The following SPDL1 variants were observed in gnomAD, a reference collection of about 807,000 sequenced individuals.
The protein encoded by SPDL1 is spindle apparatus coiled-coil protein 1, also known as protein Spindly.
Under a neutral mutation model 79.5 loss-of-function variants are expected in SPDL1, and 85 were observed. The ratio of observed to expected loss-of-function variants is 1.07; its 90% CI spans 0.90 to 1.28. The LOEUF is 1.28. SPDL1 is among the 50% of genes most tolerant of loss of function. SPDL1 has a pLI of 0.00. For synonymous variants in SPDL1, 269 were observed against 240.3 expected (o/e 1.12, Z -1.10); for missense variants, 703 against 697.8 (o/e 1.01, Z -0.08).
intron 8 of SPDL1, among the ~76,000 whole-genome samples, 176 bp downstream of exon 8, chr5:169,596,877 A>T (rs1450487302): frequency 1.3e-5 from 2 of 152,218 alleles, no homozygotes; most frequent in African/African-American, 2.4e-5. Flanking sequence ...TGCCTGAAAC[A>T]TAATTCTGTG....
At chr5:169,590,925 TC>T (rs991765390) in intron 2 of SPDL1, 122 bp from the exon 3 acceptor site, 31 of 867,772 alleles carry the variant, frequency 3.6e-5, no homozygotes, top group African/African-American at 8.4e-5. Context: ...TAACATGTCT[TC>T]GTTATTTGGA....
At chr5:169,602,153 C>CGACCA in intron 11 of SPDL1, 1 of 168,406 alleles carries the variant, frequency 5.9e-6, no homozygotes, top group Non-Finnish European at 1.3e-5. Flanking sequence ...AACTTGAAAG[C>CGACCA]CTCTAGTTTC....
chr5:169,593,478 G>T lies in SPDL1; in HGVS notation c.461G>T (p.Arg154Leu), dbSNP rs147518536. 4.1e-4 allele frequency: 654 copies of T among 1,614,088 alleles called. 2 individuals carry two copies. The African/African-American group carries it at 7.6e-3, about 19-fold the overall frequency. The change falls in exon 4 of 12, where the codon CGT (arginine) becomes CTT (leucine). Residue 154 changes from arginine to leucine, a missense_variant. Coordinates refer to ENST00000265295, the MANE Select transcript of SPDL1 (RefSeq NM_017785.5). ...GAGGAACTGCGCGTAATGTCTGAACGTGTGCAGGAAAGCATGTCTTCAGAG... is the reference window on the plus strand; with the variant it reads ...GAGGAACTGCGCGTAATGTCTGAACTTGTGCAGGAAAGCATGTCTTCAGAG... Reference protein sequence around the residue: ...KSEELRVMSERVQESMSSEML... With the variant: ...KSEELRVMSELVQESMSSEML...
intron 7 of SPDL1, among the ~76,000 whole-genome samples, chr5:169,595,015 C>T (rs557343555): frequency 6.6e-6 from 1 of 152,224 alleles, no homozygotes; most frequent in East Asian, 1.9e-4. Flanking sequence ...CAAGCATAGC[C>T]CTAGGGTTCC....
chr5:169,601,253 C>G, intron 10 of SPDL1, 27 bp from the exon 11 acceptor site: 1 of 1,563,558 alleles, frequency 6.4e-7, no homozygotes, highest in Non-Finnish European at 8.6e-7. Context: ...TAGATTTTTT[C>G]TTTTCCCCAC....
Position 169,594,657 on chromosome 5 carries a change from CAG to C in SPDL1, c.871_872del (p.Glu291ThrfsTer21), listed in dbSNP as rs1292321017. On this transcript the variant is annotated frameshift_variant, in exon 7 of 12. Transcript: ENST00000265295. LOFTEE classifies it high-confidence loss of function. ...CACTAAAGAAGCAAAATGTATTTAA[CAG>C]AGAACAGATGCAGAGAATGAAGGTA... ...QSLKKQNVFNREQMQRMKLQI... is the reference protein window; with the variant it reads ...QSLKKQNVFNXEQMQRMKLQI... The C allele has an allele frequency of 6.2e-7, 1 of 1,612,626 alleles. No individual in the cohort carries two copies. The highest frequency in any genetic ancestry group is 1.3e-5 in the African/African-American group (1 of 74,872).
chr5:169,591,287 T>C (rs554623867), intron 3 of SPDL1, 63 bp downstream of exon 3: 5 of 1,526,976 alleles, frequency 3.3e-6, no homozygotes, highest in Non-Finnish European at 4.4e-6. Flanking sequence ...CTGTAAACTT[T>C]AGATGATAAA....
At chr5:169,593,877 C>G (rs1755434245) in intron 4 of SPDL1, among the ~76,000 whole-genome samples, 1 of 152,082 alleles carries the variant, frequency 6.6e-6, no homozygotes. Flanking sequence ...TGCATGTGAA[C>G]TTGGTTTTTT....
chr5:169,594,790 GTTGT>G, intron 7 of SPDL1, 109 bp downstream of exon 7: 1 of 655,716 alleles, frequency 1.5e-6, no homozygotes, highest in South Asian at 2.2e-5. Context: ...TACTTATATA[GTTGT>G]TTCTAGAACT....
rs201090007 is a variant in SPDL1, at chr5:169,594,669, G to A, written c.879G>A (p.Met293Ile). 6 of 1,610,988 alleles carry A rather than the reference G, an allele frequency of 3.7e-6. No individual in the cohort carries two copies. The highest frequency in any genetic ancestry group is 1.1e-5 in the South Asian group (1 of 90,940). The change falls in exon 7 of 12, where the codon ATG becomes ATA. Residue 293 changes from methionine (M) to isoleucine (I), a missense_variant. Coordinates refer to ENST00000265295, the MANE Select transcript of SPDL1 (RefSeq NM_017785.5). ...AAAATGTATTTAACAGAGAACAGAT[G>A]CAGAGAATGAAGGTATAGAACTTTC... ...KKQNVFNREQMQRMKLQIATL... is the reference protein window; with the variant it reads ...KKQNVFNREQIQRMKLQIATL...
At position 169,588,392 on chromosome 5, in the gene SPDL1, A is replaced by C. The variant is rs1275952503; in HGVS notation, c.-23-2A>C. The C allele has an allele frequency of 1.3e-6, 2 of 1,585,018 alleles. No individual in the cohort carries two copies. Among genetic ancestry groups the C allele is most frequent in the Admixed American group, 3.8e-5 (2 of 53,082 alleles). On this transcript the variant is annotated splice_acceptor_variant, in intron 1 of 11. Coordinates refer to ENST00000265295, the MANE Select transcript of SPDL1 (RefSeq NM_017785.5). LOFTEE classifies it low-confidence loss of function (5UTR_SPLICE). ...AAGTAGTTTTATTTCCTCTATTTACAGTTGGCTAAAAAAAAGAAAAGAACA... is the reference window on the plus strand; with the variant it reads ...AAGTAGTTTTATTTCCTCTATTTACCGTTGGCTAAAAAAAAGAAAAGAACA...
chr5:169,595,449 A>AT (rs1372447792), intron 7 of SPDL1, among the ~76,000 whole-genome samples: 2 of 152,208 alleles, frequency 1.3e-5, no homozygotes, highest in East Asian at 3.8e-4. Flanking sequence ...TTGGACAAGT[A>AT]TTTTAACTTT....
Position 169,604,279 on chromosome 5 carries a change from C to T in SPDL1, c.*72C>T, listed in dbSNP as rs1422629053. On this transcript the variant is annotated 3_prime_UTR_variant, in exon 12 of 12. Coordinates refer to ENST00000265295, the MANE Select transcript of SPDL1 (RefSeq NM_017785.5). Reference sequence around the variant, plus strand: ...CTATGGTGCTTAAGATTGTCTTGATCTGACATATATCACCTTCTGGGTTAT... The same window carrying T: ...CTATGGTGCTTAAGATTGTCTTGATTTGACATATATCACCTTCTGGGTTAT... The T allele has an allele frequency of 1.5e-6, 2 of 1,368,908 alleles. No homozygotes were observed. The highest frequency in any genetic ancestry group is 2.9e-5 in the African/African-American group (2 of 67,948). 84.8% of individuals were successfully genotyped at this position (1,368,908 alleles called of 1,614,324 possible).
At chr5:169,591,630 T>TTTA (rs1326159639) in intron 3 of SPDL1, among the ~76,000 whole-genome samples, 1 of 152,232 alleles carries the variant, frequency 6.6e-6, no homozygotes, top group Admixed American at 6.5e-5. Flanking sequence ...CAAATGACAC[T>TTTA]TTATAGTTTG....
At position 169,604,236 on chromosome 5, in the gene SPDL1, C is replaced by A; in HGVS notation, c.*29C>A. On this transcript the variant is annotated 3_prime_UTR_variant, in exon 12 of 12. Transcript: ENST00000265295. ...CTTGTCTTTAATAAGAGTACGGTGC[C>A]ACTTGCCTCAAAAGTTACTATGGTG... 1 of 1,516,814 alleles carries A rather than the reference C, an allele frequency of 6.6e-7. No homozygotes were observed. Among genetic ancestry groups the A allele is most frequent in the South Asian group, 1.4e-5 (1 of 73,472 alleles). 94.0% of individuals were successfully genotyped at this position (1,516,814 alleles called of 1,614,324 possible).
At chr5:169,593,577 G>T (rs79922762) in intron 4 of SPDL1, 29 bp downstream of exon 4, 26,956 of 1,499,170 alleles carry the variant, frequency 0.018, 333 homozygotes, top group Non-Finnish European at 0.021. Context: ...GTTTCTCAGG[G>T]TTTTCTCTTT....
Position 169,588,556 on chromosome 5 carries a change from A to G in SPDL1, c.140A>G (p.Glu47Gly), listed in dbSNP as rs1052758701. 1.9e-6 allele frequency: 3 copies of G among 1,612,672 alleles called. No individual in the cohort carries two copies. In the African/African-American group the frequency reaches 4.0e-5, roughly 22 times the overall value. ...LQNQLDKCRN[E>G]MMTMTESYEQ... Reference sequence around the variant, plus strand: ...AATCAATTGGATAAATGTCGTAATGAAATGATGACCATGACTGAGGTAGGA... The same window carrying G: ...AATCAATTGGATAAATGTCGTAATGGAATGATGACCATGACTGAGGTAGGA... The change falls in exon 2 of 12, where the codon GAA (glutamate) becomes GGA (glycine). Residue 47 changes from glutamate to glycine, a missense_variant. Transcript: ENST00000265295.
intron 10 of SPDL1, among the ~76,000 whole-genome samples, chr5:169,599,758 T>G (rs1330406695): frequency 1.3e-5 from 2 of 152,168 alleles, no homozygotes; most frequent in East Asian, 3.9e-4. Context: ...TGTTCCTAAC[T>G]AAATATTGGG....
Position 169,598,581 on chromosome 5 carries a change from T to C in SPDL1, c.1136+2T>C. Reference sequence around the variant, plus strand: ...TCAGATGAAGCTGGATAACTTAAAGTAAGTGTCTGGGTTGGTGGATGGAAA... The same window carrying C: ...TCAGATGAAGCTGGATAACTTAAAGCAAGTGTCTGGGTTGGTGGATGGAAA... On this transcript the variant is annotated splice_donor_variant, in intron 9 of 11. Coordinates refer to ENST00000265295, the MANE Select transcript of SPDL1 (RefSeq NM_017785.5). LOFTEE classifies it high-confidence loss of function. The C allele has an allele frequency of 6.3e-7, 1 of 1,597,876 alleles. No individual in the cohort carries two copies.
Sources: allele counts gnomAD v4.1 joint callset (sites outside exome capture counted in the v4.1 genomes callset), GRCh38; gene constraint gnomAD v4.1.1; transcripts MANE v1.5; gene names NCBI Gene and HGNC (gene_info 2026-07-23, HGNC 2026-07-21).